The following LRFN1 variants were observed in gnomAD, a reference collection of about 807,000 sequenced individuals.
LRFN1 encodes the protein leucine rich repeat and fibronectin type III domain containing 1.
A neutral mutation model predicts 31.8 loss-of-function variants in LRFN1; 20 were observed. The ratio of observed to expected loss-of-function variants is 0.63; its 90% CI spans 0.44 to 0.91. The LOEUF is 0.91. LRFN1 is among the 40% of genes least tolerant of loss of function. LRFN1 has a pLI of 0.00. For missense variants in LRFN1, 912 were observed against 1,129.8 expected, an observed-to-expected ratio of 0.81 and a Z score of 2.76; for synonymous variants, 514 against 541.3, an observed-to-expected ratio of 0.95 and a Z score of 0.70.
At chr19:39,310,051 G>A (rs761734151) in intron 4 of LRFN1, among the ~76,000 whole-genome samples, 26 of 152,124 alleles carry the variant, frequency 1.7e-4, no homozygotes, top group Non-Finnish European at 2.9e-4. Context: ...TCTGCCTTCC[G>A]GGTTCAAGTG....
rs1391928282 is a variant in LRFN1, at chr19:39,315,630, C to G, written c.-37-257G>C. On this transcript the variant is annotated intron_variant, in intron 3 of 4. Transcript: ENST00000248668. This position sits in a 1 kb window ranked among gnomAD's most constrained non-coding sequence, Gnocchi z 4.7. ...GGTCAGGAGTTCAAGACCAGCCTGG[C>G]CAACATGGTGAAACCCCGTCTCTAC... Among the ~76,000 whole-genome samples the G allele has an allele frequency of 2.6e-5, 4 of 152,012 alleles. No individual in the cohort carries two copies. Among genetic ancestry groups the G allele is most frequent in the Non-Finnish European group, 5.9e-5 (4 of 68,002 alleles).
Position 39,314,507 on chromosome 19 carries a change from G to A in LRFN1, c.830C>T (p.Thr277Met). ...TREDDLETCA[T>M]PEHLTDRYFW... Reference sequence around the variant, plus strand: ...GTAGCGGTCGGTGAGGTGTTCGGGCGTGGCGCAGGTCTCTAAGTCGTCCTC... The same window carrying A: ...GTAGCGGTCGGTGAGGTGTTCGGGCATGGCGCAGGTCTCTAAGTCGTCCTC... The change falls in exon 4 of 5, where the codon ACG (threonine) becomes ATG (methionine). Residue 277 changes from threonine to methionine, a missense_variant. This residue lies in a region of LRFN1 where 401 missense variants were observed against 572.7 expected (regional missense o/e 0.70). Transcript: ENST00000248668. 6.2e-7 allele frequency: 1 copy of A among 1,610,284 alleles called. No homozygotes were observed.
Position 39,314,346 on chromosome 19 carries a change from C to A in LRFN1, c.991G>T (p.Val331Leu). The change falls in exon 4 of 5, where the codon GTG becomes TTG. Residue 331 changes from valine (V) to leucine (L), a missense_variant. Coordinates refer to ENST00000248668, the MANE Select transcript of LRFN1 (RefSeq NM_020862.2). ...CGCCCATCAGGTGCCACCCAGTGCA[C>A]CACCGGCTCGGGGTCACCCACCGCT... is the stretch of plus-strand genomic sequence containing the variant. Reference protein sequence around the residue: ...CRAVGDPEPVVHWVAPDGRLL... With the variant: ...CRAVGDPEPVLHWVAPDGRLL... The A allele has an allele frequency of 6.3e-7, 1 of 1,595,478 alleles. No individual in the cohort carries two copies. The highest frequency in any genetic ancestry group is 8.5e-7 in the Non-Finnish European group (1 of 1,171,860).
In LRFN1 at chr19:39,315,092, C is replaced by A; in HGVS notation, c.245G>T (p.Arg82Leu). The A allele has an allele frequency of 6.3e-7, 1 of 1,593,814 alleles. No individual in the cohort carries two copies. Reference sequence around the variant, plus strand: ...GCTGGTCATGTTGGCGAAGTCTCGGCGGCGCACGGCGGCGATGAAGTTGTC... The same window carrying A: ...GCTGGTCATGTTGGCGAAGTCTCGGAGGCGCACGGCGGCGATGAAGTTGTC... ...LTDNFIAAVR[R>L]RDFANMTSLV... The change falls in exon 4 of 5, where the codon CGC becomes CTC. Residue 82 changes from arginine to leucine, a missense_variant. Physicochemically the swap from Arg to Leu is moderately radical, Grantham distance 102. This residue lies in a region of LRFN1 where 401 missense variants were observed against 572.7 expected (regional missense o/e 0.70). Coordinates refer to ENST00000248668, the MANE Select transcript of LRFN1 (RefSeq NM_020862.2). The surrounding 1 kb of genome is among the most constrained non-coding windows in gnomAD (Gnocchi z 4.7).
intron 4 of LRFN1, among the ~76,000 whole-genome samples, chr19:39,309,478 C>CAAAAAAAAAAAAAAAAAAAAAAA (rs71169583): frequency 3.1e-5 from 1 of 31,998 alleles, no homozygotes; most frequent in East Asian, 1.1e-3. Flanking sequence ...ACAAACAAAC[C>CAAAAAAAAAAAAAAAAAAAAAAA]AAAAAAAAAA....
Position 39,307,168 on chromosome 19 carries a change from T to G in LRFN1, c.*465A>C. On this transcript the variant is annotated 3_prime_UTR_variant, in exon 5 of 5. Coordinates refer to ENST00000248668, the MANE Select transcript of LRFN1 (RefSeq NM_020862.2). The surrounding 1 kb of genome is among the most constrained non-coding windows in gnomAD (Gnocchi z 6.7). Reference sequence around the variant, plus strand: ...GACCCGACCGGACCAGGAATGTGCGTGGGGTGGGGTGGGAGGCTTTGGAGG... The same window carrying G: ...GACCCGACCGGACCAGGAATGTGCGGGGGGTGGGGTGGGAGGCTTTGGAGG... 1 of 396,402 alleles carries G rather than the reference T, an allele frequency of 2.5e-6. No homozygotes were observed. Among genetic ancestry groups the G allele is most frequent in the Non-Finnish European group, 4.4e-6 (1 of 225,272 alleles). 24.6% of individuals were successfully genotyped at this position (396,402 alleles called of 1,614,324 possible).
In LRFN1 at chr19:39,307,847, T is replaced by C; in HGVS notation, c.2102A>G (p.Gln701Arg). 1 of 1,517,818 alleles carries C rather than the reference T, an allele frequency of 6.6e-7. No individual in the cohort carries two copies. Among genetic ancestry groups the C allele is most frequent in the East Asian group, 2.4e-5 (1 of 41,464 alleles). 94.0% of individuals were successfully genotyped at this position (1,517,818 alleles called of 1,614,324 possible). Residue 701 changes from glutamine to arginine, a missense_variant, in exon 5 of 5, where the codon CAG becomes CGG. By Grantham distance (43) the Gln-to-Arg change is conservative. Around this residue, in one of 2 missense-constraint regions of LRFN1, gnomAD observed 511 missense variants for 557.0 expected, o/e 0.92. Coordinates refer to ENST00000248668, the MANE Select transcript of LRFN1 (RefSeq NM_020862.2). The surrounding 1 kb of genome is among the most constrained non-coding windows in gnomAD (Gnocchi z 6.7). Reference sequence around the variant, plus strand: ...GTCCCCGTCGAACGAATAGCGCTGCTGCGGCCTCGGCCGGGCCGCGGCTCC... The same window carrying C: ...GTCCCCGTCGAACGAATAGCGCTGCCGCGGCCTCGGCCGGGCCGCGGCTCC... ...PGGAAARPRP[Q>R]QRYSFDGDYG...
At chr19:39,319,918 A>C (rs952096521) in intron 1 of LRFN1, among the ~76,000 whole-genome samples, 2 of 151,934 alleles carry the variant, frequency 1.3e-5, no homozygotes, top group Admixed American at 6.5e-5. Context: ...AAGGTTCCCC[A>C]GCCTGGCCAT....
chr19:39,308,175 C>T lies in LRFN1; in HGVS notation c.1774G>A (p.Gly592Ser), dbSNP rs1466000572. ...GGCAGGGCCGGGGCCTGTGCCGCGC[C>T]TGTGCCTGCGCCGTTGGTCTGCGAG... ...VCSQTNGAGTGAAQAPALPAQ... is the reference protein window; with the variant it reads ...VCSQTNGAGTSAAQAPALPAQ... The change falls in exon 5 of 5, where the codon GGC becomes AGC. Residue 592 changes from glycine to serine, a missense_variant. Gly to Ser is a moderately conservative substitution (Grantham distance 56, BLOSUM62 0). Coordinates refer to ENST00000248668, the MANE Select transcript of LRFN1 (RefSeq NM_020862.2). The surrounding 1 kb of genome is among the most constrained non-coding windows in gnomAD (Gnocchi z 6.2). The T allele has an allele frequency of 1.3e-6, 2 of 1,583,444 alleles. No homozygotes were observed. Among genetic ancestry groups the T allele is most frequent in the Admixed American group, 1.7e-5 (1 of 57,248 alleles).
chr19:39,314,638 C>T lies in LRFN1; in HGVS notation c.699G>A (p.Arg233=). Residue 233 remains arginine, a synonymous_variant, in exon 4 of 5, where the codon AGG becomes AGA. Coordinates refer to ENST00000248668, the MANE Select transcript of LRFN1 (RefSeq NM_020862.2). The part of the protein sequence containing the change: ...HKLPPDGLFL[R]SQGTGPKPPT... ...GCGGCTTGGGCCCGGTGCCCTGCGA[C>T]CTCAGGAAGAGCCCGTCGGGCGGGA... 6.2e-7 allele frequency: 1 copy of T among 1,611,442 alleles called. No homozygotes were observed. The highest frequency in any genetic ancestry group is 8.5e-7 in the Non-Finnish European group (1 of 1,178,730).
chr19:39,319,664 C>G (rs1330100757), intron 1 of LRFN1, among the ~76,000 whole-genome samples: 2 of 152,172 alleles, frequency 1.3e-5, no homozygotes, highest in Non-Finnish European at 2.9e-5. Flanking sequence ...CACACTCACA[C>G]AGTCTTGGAC....
At chr19:39,320,019 C>A (rs2075182986) in intron 1 of LRFN1, among the ~76,000 whole-genome samples, 1 of 151,022 alleles carries the variant, frequency 6.6e-6, no homozygotes, top group Non-Finnish European at 1.5e-5. Flanking sequence ...GGTCTTCGCC[C>A]CCCAACCCCC....
At position 39,314,945 on chromosome 19, in the gene LRFN1, T is replaced by C; in HGVS notation, c.392A>G (p.Asp131Gly). The change falls in exon 4 of 5, where the codon GAC becomes GGC. Residue 131 changes from aspartate (D) to glycine (G), a missense_variant. Transcript: ENST00000248668. ...GAGGTTGCCCAGGCCGCGGAGCTGG[T>C]CGCCGCGCACCTCCGCCAGGCGGTT... is the stretch of plus-strand genomic sequence containing the variant. ...DSNRLAEVRGDQLRGLGNLRH... is the reference protein window; with the variant it reads ...DSNRLAEVRGGQLRGLGNLRH... The C allele has an allele frequency of 6.3e-7, 1 of 1,599,780 alleles. No homozygotes were observed. The highest frequency in any genetic ancestry group is 8.5e-7 in the Non-Finnish European group (1 of 1,176,108).
chr19:39,320,413 C>G (rs2075184896), intron 1 of LRFN1, among the ~76,000 whole-genome samples: 1 of 152,008 alleles, frequency 6.6e-6, no homozygotes, highest in Admixed American at 6.5e-5. Context: ...ACACAAACAC[C>G]CAGAGCAGCT....
chr19:39,314,019 T>C lies in LRFN1; in HGVS notation c.1318A>G (p.Ile440Val). ...AAELTSNSVL[I>V]RWPAQRPVPG... is the part of the protein sequence containing the mutation. ...ACAGGCCTCTGGGCTGGCCAGCGGA[T>C]GAGCACGGAGTTCGAGGTGAGCTCG... Residue 440 changes from isoleucine (I) to valine (V), a missense_variant, in exon 4 of 5, where the codon ATC becomes GTC. Physicochemically the swap from Ile to Val is conservative, Grantham distance 29 (BLOSUM62 3). Around this residue, in one of 2 missense-constraint regions of LRFN1, gnomAD observed 511 missense variants for 557.0 expected, o/e 0.92. Transcript: ENST00000248668. 1 of 1,611,876 alleles carries C rather than the reference T, an allele frequency of 6.2e-7. No homozygotes were observed. The highest frequency in any genetic ancestry group is 8.5e-7 in the Non-Finnish European group (1 of 1,179,798).
At chr19:39,311,785 A>G (rs1191007007) in intron 4 of LRFN1, among the ~76,000 whole-genome samples, 1 of 151,228 alleles carries the variant, frequency 6.6e-6, no homozygotes, top group Non-Finnish European at 1.5e-5. Context: ...CCAACACAAG[A>G]TGGGCACACA....
chr19:39,315,060 GCA>G lies in LRFN1; in HGVS notation c.275_276del (p.Val92AlafsTer66). ...ATGGTGTTCCGGGAGAGAGTGAGGT[GCA>G]CCAGGCTGGTCATGTTGGCGAAGTC... ...RRDFANMTSL[V>X]HLTLSRNTIG... On this transcript the variant is annotated frameshift_variant, in exon 4 of 5. Transcript: ENST00000248668. LOFTEE classifies it high-confidence loss of function. This position sits in a 1 kb window ranked among gnomAD's most constrained non-coding sequence, Gnocchi z 4.7. 6.3e-7 allele frequency: 1 copy of G among 1,595,840 alleles called. No homozygotes were observed. The highest frequency in any genetic ancestry group is 8.5e-7 in the Non-Finnish European group (1 of 1,178,294).
rs761894549 is a variant in LRFN1, at chr19:39,308,141, T to C, written c.1808A>G (p.Asp603Gly). 2 of 1,538,144 alleles carry C rather than the reference T, an allele frequency of 1.3e-6. No homozygotes were observed. The highest frequency in any genetic ancestry group is 2.3e-5 in the East Asian group (1 of 44,086). Reference protein sequence around the residue: ...AAQAPALPAQDHYEALREVES... With the variant: ...AAQAPALPAQGHYEALREVES... Reference sequence around the variant, plus strand: ...CACCTCGCGCAGCGCCTCGTAGTGGTCCTGGGCCGGCAGGGCCGGGGCCTG... The same window carrying C: ...CACCTCGCGCAGCGCCTCGTAGTGGCCCTGGGCCGGCAGGGCCGGGGCCTG... Residue 603 changes from aspartate (D) to glycine (G), a missense_variant, in exon 5 of 5, where the codon GAC (aspartate) becomes GGC (glycine). Around this residue, in one of 2 missense-constraint regions of LRFN1, gnomAD observed 511 missense variants for 557.0 expected, o/e 0.92. Coordinates refer to ENST00000248668, the MANE Select transcript of LRFN1 (RefSeq NM_020862.2). The surrounding 1 kb of genome is among the most constrained non-coding windows in gnomAD (Gnocchi z 6.2).
Position 39,307,954 on chromosome 19 carries a change from G to T in LRFN1, c.1995C>A (p.Ala665=), listed in dbSNP as rs1474517782. The change falls in exon 5 of 5, where the codon GCC becomes GCA. Residue 665 remains alanine (A), a synonymous_variant. Transcript: ENST00000248668. This position sits in a 1 kb window ranked among gnomAD's most constrained non-coding sequence, Gnocchi z 6.7. ...ATCGGCTCCTTCGAGGGCCCACCGC[G>T]GCCCGAGACTCCTCCCCGGAAGTTT... ...SEETSGEESR[A]AVGPRRSRSG... is the part of the protein sequence containing the mutation. 10 of 1,567,830 alleles carry T rather than the reference G, an allele frequency of 6.4e-6. No individual in the cohort carries two copies. Among genetic ancestry groups the T allele is most frequent in the Non-Finnish European group, 7.7e-6 (9 of 1,165,586 alleles).
Sources: allele counts gnomAD v4.1 joint callset (sites outside exome capture counted in the v4.1 genomes callset), GRCh38; gene constraint gnomAD v4.1.1; regional missense constraint gnomAD v4.1.1; non-coding constraint Gnocchi (gnomAD v3.1); transcripts MANE v1.5; gene names NCBI Gene and HGNC (gene_info 2026-07-23, HGNC 2026-07-21).